PLVAP: variants seen among roughly 807,000 people sequenced by gnomAD.
The protein encoded by PLVAP is plasmalemma vesicle associated protein, also known as plasmalemma vesicle-associated protein.
Under a neutral mutation model 43.1 loss-of-function variants are expected in PLVAP, and 34 were observed. The ratio of observed to expected loss-of-function variants is 0.79; its 90% CI spans 0.60 to 1.05. PLVAP has a LOEUF of 1.05. Among genes scored for constraint, PLVAP ranks in the 50% least tolerant of loss-of-function variants. PLVAP has a pLI of 0.00. For synonymous variants in PLVAP, 241 were observed against 237.3 expected, an observed-to-expected ratio of 1.02 and a Z score of -0.14; for missense variants, 574 against 593.4, an observed-to-expected ratio of 0.97 and a Z score of 0.34.
At chr19:17,373,888 G>A (rs934959715) in intron 1 of PLVAP, among the ~76,000 whole-genome samples, 5 of 152,118 alleles carry the variant, frequency 3.3e-5, no homozygotes, top group Non-Finnish European at 5.9e-5. Flanking sequence ...CTGCCCAGGC[G>A]CAATGGCTCA....
intron 3 of PLVAP, among the ~76,000 whole-genome samples, chr19:17,363,717 G>A (rs1418312999): frequency 6.6e-6 from 1 of 150,666 alleles, no homozygotes; most frequent in African/African-American, 2.4e-5. Context: ...TGGGATTACA[G>A]GTGTGTGCCA....
At chr19:17,364,064 T>G (rs1409787000) in intron 3 of PLVAP, among the ~76,000 whole-genome samples, 1 of 150,916 alleles carries the variant, frequency 6.6e-6, no homozygotes, top group Non-Finnish European at 1.5e-5. Context: ...GTATTTTTTT[T>G]GTAGGGATGG....
intron 1 of PLVAP, among the ~76,000 whole-genome samples, chr19:17,368,934 C>T (rs1197910635): frequency 2.0e-5 from 3 of 151,776 alleles, no homozygotes; most frequent in African/African-American, 7.3e-5. Context: ...GCCGAGATCG[C>T]GTCTCTGCAC....
chr19:17,365,042 G>A (rs1041023076), intron 3 of PLVAP, among the ~76,000 whole-genome samples: 1 of 151,886 alleles, frequency 6.6e-6, no homozygotes, highest in African/African-American at 2.4e-5. Flanking sequence ...CAAAGTGTTG[G>A]GATTATTGGC....
intron 1 of PLVAP, among the ~76,000 whole-genome samples, chr19:17,374,251 G>C (rs935467936): frequency 4.6e-5 from 7 of 152,008 alleles, no homozygotes; most frequent in African/African-American, 1.7e-4. Context: ...TGGATCACAG[G>C]GTCAGGAGAT....
At chr19:17,363,796 G>T (rs2074537670) in intron 3 of PLVAP, among the ~76,000 whole-genome samples, 1 of 145,956 alleles carries the variant, frequency 6.9e-6, no homozygotes. Flanking sequence ...AGGCTGGAGT[G>T]CAGTGGTGTG....
chr19:17,368,041 G>A lies in PLVAP; in HGVS notation c.370-1846C>T, dbSNP rs189270433. On this transcript the variant is annotated intron_variant, in intron 1 of 5. Coordinates refer to ENST00000252590, the MANE Select transcript of PLVAP (RefSeq NM_031310.3). ...GCCTCCCGAGTAGTTGGGATTACAG[G>A]GGCCCACCACCCTGCCCGGCTAATT... Among the ~76,000 whole-genome samples the A allele has an allele frequency of 3.3e-5, 5 of 150,864 alleles. No homozygotes were observed. The East Asian group carries it at 9.7e-4, about 29-fold the overall frequency.
rs1259400217 is a variant in PLVAP, at chr19:17,361,060, A to T, written c.1180-228T>A. 6.0e-6 allele frequency: 3 copies of T among 495,868 alleles called. No individual in the cohort carries two copies. The East Asian group carries it at 1.1e-4, about 17-fold the overall frequency. The allele number at this position is 495,868 out of a possible 1,614,324, so 30.7% of individuals were successfully genotyped here. ...CTCCTGGGTAGCTGGGACTACAGTC[A>T]CACACCACCATGCCTGGCTAATTTT... is the stretch of plus-strand genomic sequence containing the variant. On this transcript the variant is annotated intron_variant, in intron 3 of 5. Transcript: ENST00000252590.
chr19:17,377,178 G>C lies in PLVAP; in HGVS notation c.111C>G (p.Phe37Leu), dbSNP rs370808478. ...AGAGCACGAGCCCCAGGATGATGAG[G>C]AATTGGATGAGGGAGACGAAGAGGA... ...YFFLFVSLIQ[F>L]LIILGLVLFM... Residue 37 changes from phenylalanine (F) to leucine (L), a missense_variant, in exon 1 of 6, where the codon TTC (phenylalanine) becomes TTG (leucine). Coordinates refer to ENST00000252590, the MANE Select transcript of PLVAP (RefSeq NM_031310.3). 15 of 1,614,012 alleles carry C rather than the reference G, an allele frequency of 9.3e-6. No individual in the cohort carries two copies. Among genetic ancestry groups the C allele is most frequent in the Non-Finnish European group, 1.1e-5 (13 of 1,180,024 alleles).
intron 5 of PLVAP, among the ~76,000 whole-genome samples, chr19:17,358,189 A>G (rs980804744): frequency 6.6e-6 from 1 of 151,918 alleles, no homozygotes; most frequent in Non-Finnish European, 1.5e-5. Context: ...TCTCCCAGAC[A>G]GAGCCATCTA....
In PLVAP at chr19:17,377,093, G is replaced by T. The variant is rs766211783; in HGVS notation, c.196C>A (p.Arg66=). ...AGCTGACTGTATAGGCCCTCGGCTCGGCGCTCGGTGGCCTGCAGGTTGGAC... is the reference window on the plus strand; with the variant it reads ...AGCTGACTGTATAGGCCCTCGGCTCTGCGCTCGGTGGCCTGCAGGTTGGAC... ...TESNLQATER[R]AEGLYSQLLG... The change falls in exon 1 of 6, where the codon CGA becomes AGA. Residue 66 remains arginine (R), a synonymous_variant. Transcript: ENST00000252590. The T allele has an allele frequency of 6.2e-7, 1 of 1,614,096 alleles. No individual in the cohort carries two copies. The highest frequency in any genetic ancestry group is 8.5e-7 in the Non-Finnish European group (1 of 1,180,012).
rs2074489871 is a variant in PLVAP, at chr19:17,352,388, G to A, written c.1323-20C>T. ...CAGCCACTAGGGCAGGAAGGGGATG[G>A]TAACACAACAGAGTGTCAGACAGAG... On this transcript the variant is annotated intron_variant, in intron 5 of 5. Transcript: ENST00000252590. The A allele has an allele frequency of 6.2e-7, 1 of 1,612,680 alleles. No homozygotes were observed. Among genetic ancestry groups the A allele is most frequent in the Non-Finnish European group, 8.5e-7 (1 of 1,178,808 alleles).
chr19:17,356,716 G>A (rs2074508052), intron 5 of PLVAP, among the ~76,000 whole-genome samples: 1 of 151,702 alleles, frequency 6.6e-6, no homozygotes, highest in Admixed American at 6.6e-5. Flanking sequence ...TCCCAGCACT[G>A]TGGGAGGCTG....
rs1422121782 is a variant in PLVAP, at chr19:17,376,694, A to T, written c.369+226T>A. Among the ~76,000 whole-genome samples, 4 of 152,152 alleles carry T rather than the reference A, an allele frequency of 2.6e-5. 1 individual carries two copies. In the East Asian group the frequency reaches 5.8e-4, roughly 22 times the overall value. On this transcript the variant is annotated intron_variant, in intron 1 of 5. Transcript: ENST00000252590. ...ATGCCTGTAATCCCAGCTACTCGGG[A>T]GGCTGAGGCAGGAGAATCACTCCAA...
chr19:17,366,939 ATTTT>A (rs34408678), intron 1 of PLVAP, among the ~76,000 whole-genome samples: 2 of 107,824 alleles, frequency 1.9e-5, no homozygotes, highest in Non-Finnish European at 1.8e-5. Context: ...CCCGGCTCGA[ATTTT>A]TTTTTTTTTT....
At chr19:17,358,539 G>T (rs1048041185) in intron 5 of PLVAP, among the ~76,000 whole-genome samples, 1 of 152,188 alleles carries the variant, frequency 6.6e-6, no homozygotes, top group African/African-American at 2.4e-5. Context: ...TCCTCCGTCA[G>T]TGGTGTAGCA....
At chr19:17,362,522 T>A (rs1280748762) in intron 3 of PLVAP, 1 of 152,280 alleles carries the variant, frequency 6.6e-6, no homozygotes, top group Non-Finnish European at 1.5e-5. Flanking sequence ...TCCTAACCCA[T>A]TGTCAATACC....
At chr19:17,373,178 C>T (rs1399554642) in intron 1 of PLVAP, among the ~76,000 whole-genome samples, 4 of 148,656 alleles carry the variant, frequency 2.7e-5, no homozygotes, top group Non-Finnish European at 5.9e-5. Context: ...CAGGCAGGAC[C>T]CTATTGGGAG....
chr19:17,366,103 G>A lies in PLVAP; in HGVS notation c.462C>T (p.Cys154=), dbSNP rs1423337722. Residue 154 remains cysteine (C), a synonymous_variant, in exon 2 of 6, where the codon TGC becomes TGT. Transcript: ENST00000252590. ...CCCTGCAGCCTTAGCACTCACCATC[G>A]CAGCTCTTGTTCATGTCCTTGAATT... ...RDQFKDMNKS[C]DALLFMLNQK... 1.1e-5 allele frequency: 18 copies of A among 1,613,914 alleles called. No homozygotes were observed. Among genetic ancestry groups the A allele is most frequent in the Non-Finnish European group, 1.4e-5 (16 of 1,180,012 alleles).
Sources: gnomAD v4.1 joint callset for allele counts (sites outside exome capture counted in the v4.1 genomes callset) on GRCh38, gnomAD v4.1.1 for gene constraint, MANE v1.5 for transcripts, NCBI Gene and HGNC (gene_info 2026-07-23, HGNC 2026-07-21) for gene names.